Variants in RET observed in about 807,000 individuals in gnomAD.
RET encodes the protein ret proto-oncogene, also known as proto-oncogene tyrosine-protein kinase receptor Ret.
A neutral mutation model predicts 118.3 loss-of-function variants in RET; 19 were observed. The observed-to-expected ratio is 0.16, with a 90% CI of 0.11 to 0.24. The LOEUF (loss-of-function observed/expected upper bound fraction) is 0.24, where lower values mean the gene tolerates loss of function less well. Among genes scored for constraint, RET ranks in the 10% least tolerant of loss-of-function variants. The probability of loss-of-function intolerance (pLI) is 1.00; values close to 1 mark genes in which losing one functional copy is unlikely to be tolerated. For missense variants in RET, 1,219 were observed against 1,502.1 expected (o/e 0.81, Z 3.12); for synonymous variants, 597 against 644.1 (o/e 0.93, Z 1.11).
intron 3 of RET, among the ~76,000 whole-genome samples, chr10:43,104,012 G>C (rs1181246854): frequency 6.6e-6 from 1 of 152,216 alleles, no homozygotes; most frequent in Non-Finnish European, 1.5e-5. Context: ...TGTGGTTCCT[G>C]GCCCTGCTTC....
intron 4 of RET, 40 bp downstream of exon 4, chr10:43,105,233 C>G: frequency 1.9e-6 from 3 of 1,611,788 alleles, no homozygotes; most frequent in South Asian, 2.2e-5. Flanking sequence ...CAGTGTCTGT[C>G]TCCGGCCACA....
At chr10:43,125,466 G>C (rs116599054) in intron 18 of RET, among the ~76,000 whole-genome samples, 1 of 152,112 alleles carries the variant, frequency 6.6e-6, no homozygotes, top group Admixed American at 6.5e-5. Context: ...GAATGGGCTG[G>C]GTCTTCTGAA....
intron 1 of RET, among the ~76,000 whole-genome samples, chr10:43,093,735 A>G (rs968086766): frequency 1.3e-5 from 2 of 152,294 alleles, no homozygotes; most frequent in East Asian, 1.9e-4. Flanking sequence ...CGGCCTGAGC[A>G]TGGGCCCTCA....
intron 13 of RET, among the ~76,000 whole-genome samples, chr10:43,119,083 C>T (rs138353661): frequency 3.3e-5 from 5 of 152,308 alleles, no homozygotes; most frequent in Non-Finnish European, 7.4e-5. Context: ...GAGTTGGAGG[C>T]TGGGCCTGGG....
chr10:43,114,015 C>CA lies in RET; in HGVS notation c.1879+341dup, dbSNP rs1460544897. On this transcript the variant is annotated intron_variant, in intron 10 of 19. Coordinates refer to ENST00000355710, the MANE Select transcript of RET (RefSeq NM_020975.6). This position sits in a 1 kb window ranked among gnomAD's most constrained non-coding sequence, Gnocchi z 4.6. ...GCAGGTATGGTGGGTTGCACAGCCA[C>CA]ACTGACTACACTCAGGGGTGCTGTT... Among the ~76,000 whole-genome samples, 1 of 152,240 alleles carries CA rather than the reference C, an allele frequency of 6.6e-6. No individual in the cohort carries two copies. The highest frequency in any genetic ancestry group is 1.5e-5 in the Non-Finnish European group (1 of 68,042).
intron 1 of RET, among the ~76,000 whole-genome samples, chr10:43,099,506 C>T (rs1837588087): frequency 6.9e-6 from 1 of 145,336 alleles, no homozygotes; most frequent in South Asian, 2.2e-4. Context: ...AGCAAAACTC[C>T]ATCTCAAAAA....
At chr10:43,103,903 T>G (rs1837697554) in intron 3 of RET, among the ~76,000 whole-genome samples, 1 of 152,172 alleles carries the variant, frequency 6.6e-6, no homozygotes, top group Non-Finnish European at 1.5e-5. Flanking sequence ...TGGGGTGGGT[T>G]GTGGGGTCTT....
intron 17 of RET, 23 bp downstream of exon 17, chr10:43,123,831 C>G (rs778801925): frequency 6.2e-7 from 1 of 1,613,706 alleles, no homozygotes. Flanking sequence ...TGGCTTTGGC[C>G]CAGCCTCACT....
chr10:43,124,801 A>G, intron 17 of RET, 82 bp from the exon 18 acceptor site: 2 of 1,318,098 alleles, frequency 1.5e-6, no homozygotes, highest in Non-Finnish European at 2.2e-6. Flanking sequence ...GGTACAGGGC[A>G]GGGTGCGATG....
At chr10:43,087,351 C>T (rs1417754587) in intron 1 of RET, among the ~76,000 whole-genome samples, 1 of 152,180 alleles carries the variant, frequency 6.6e-6, no homozygotes, top group African/African-American at 2.4e-5. Flanking sequence ...TTGGAAGAAC[C>T]AATTCTTAAG....
Position 43,128,158 on chromosome 10 carries a change from G to A in RET, c.3234G>A (p.Thr1078=), listed in dbSNP as rs766376008. ...CTGGAGAGAGTCCTGTACCACTCAC[G>A]AGAGCTGATGGCACTAACACTGGGT... ...NWPGESPVPL[T]RADGTNTGFP... is the part of the protein sequence containing the mutation. The change falls in exon 20 of 20, where the codon ACG becomes ACA. Residue 1078 remains threonine (T), a synonymous_variant. Transcript: ENST00000355710. 16 of 1,614,172 alleles carry A rather than the reference G, an allele frequency of 9.9e-6. No individual in the cohort carries two copies. The highest frequency in any genetic ancestry group is 1.3e-5 in the Non-Finnish European group (15 of 1,180,028).
intron 1 of RET, among the ~76,000 whole-genome samples, chr10:43,096,518 G>A (rs986846583): frequency 6.6e-6 from 1 of 152,192 alleles, no homozygotes; most frequent in Admixed American, 6.5e-5. Context: ...TCTGCAGTGA[G>A]AGCCTCATGA....
Sources: allele counts gnomAD v4.1 joint callset (sites outside exome capture counted in the v4.1 genomes callset), GRCh38; gene constraint gnomAD v4.1.1; non-coding constraint Gnocchi (gnomAD v3.1); transcripts MANE v1.5; gene names NCBI Gene and HGNC (gene_info 2026-07-23, HGNC 2026-07-21).